PIK3CD: variants seen among roughly 807,000 people sequenced by gnomAD.
PIK3CD encodes the protein phosphatidylinositol-4,5-bisphosphate 3-kinase catalytic subunit delta, also known as phosphatidylinositol 4,5-bisphosphate 3-kinase catalytic subunit delta isoform.
Under a neutral mutation model 122.9 loss-of-function variants are expected in PIK3CD, and 20 were observed. The observed-to-expected ratio is 0.16, with a 90% CI of 0.11 to 0.24. The LOEUF is 0.24. Among genes scored for constraint, PIK3CD ranks in the 10% least tolerant of loss-of-function variants. The probability of loss-of-function intolerance (pLI) is 1.00; values close to 1 mark genes in which losing one functional copy is unlikely to be tolerated. For missense variants in PIK3CD, 787 were observed against 1,406.3 expected, an observed-to-expected ratio of 0.56 and a Z score of 7.04; for synonymous variants, 596 against 593.4, an observed-to-expected ratio of 1.00 and a Z score of -0.06.
Position 9,727,464 on chromosome 1 carries a change from C to A in PIK3CD, c.*418C>A. On this transcript the variant is annotated 3_prime_UTR_variant, in exon 24 of 24. Coordinates refer to ENST00000377346, the MANE Select transcript of PIK3CD (RefSeq NM_005026.5). ...ACAGGATGCCTTGATCCTCGTGCGA[C>A]CCACCCTGTGTATCCTCCCTAGACT... 2.6e-6 allele frequency: 1 copy of A among 385,936 alleles called. No homozygotes were observed. The highest frequency in any genetic ancestry group is 4.8e-5 in the East Asian group (1 of 20,648). 23.9% of individuals were successfully genotyped at this position (385,936 alleles called of 1,614,324 possible).
At chr1:9,658,363 G>A (rs980252805) in intron 1 of PIK3CD, among the ~76,000 whole-genome samples, 2 of 146,956 alleles carry the variant, frequency 1.4e-5, no homozygotes, top group Non-Finnish European at 3.0e-5. Flanking sequence ...TCTAGCCTGC[G>A]TGACAGAGCG....
chr1:9,657,688 C>T (rs1418611520), intron 1 of PIK3CD, among the ~76,000 whole-genome samples: 4 of 152,144 alleles, frequency 2.6e-5, no homozygotes, highest in East Asian at 1.9e-4. Flanking sequence ...CCCTGCCCTC[C>T]GCAGCCCATT....
chr1:9,699,367 C>T (rs1022029560), intron 2 of PIK3CD, among the ~76,000 whole-genome samples: 3 of 152,138 alleles, frequency 2.0e-5, no homozygotes, highest in Non-Finnish European at 4.4e-5. Flanking sequence ...ATTCTGGCCT[C>T]GCCCCTTCCA....
intron 1 of PIK3CD, among the ~76,000 whole-genome samples, chr1:9,666,322 C>T (rs1190528341): frequency 7.1e-6 from 1 of 140,622 alleles, no homozygotes; most frequent in African/African-American, 2.7e-5. Flanking sequence ...CTCACTGCAA[C>T]CTCTGCCCCC....
intron 2 of PIK3CD, among the ~76,000 whole-genome samples, chr1:9,702,803 G>T (rs536405823): frequency 6.6e-6 from 1 of 152,230 alleles, no homozygotes; most frequent in African/African-American, 2.4e-5. Context: ...TTACAGGCAT[G>T]AGCCACCGTG....
chr1:9,725,414 A>G (rs965507565), intron 23 of PIK3CD, among the ~76,000 whole-genome samples: 1 of 151,782 alleles, frequency 6.6e-6, no homozygotes, highest in Non-Finnish European at 1.5e-5. Context: ...TTAGCTGGGC[A>G]TGGTGGTGCA....
Position 9,719,230 on chromosome 1 carries a change from A to T in PIK3CD, c.1242+315A>T, listed in dbSNP as rs12564733. 0.15 allele frequency among the ~76,000 whole-genome samples: 23,202 copies of T among 152,270 alleles called. 2,540 individuals carry two copies. The highest frequency in any genetic ancestry group is 0.34 in the South Asian group (1,654 of 4,830). ...GTCATCCCTGGAGCAGAAAAGCCTG[A>T]GTCAGCGGCTGGCCGGGAGGCGTAG... On this transcript the variant is annotated intron_variant, in intron 9 of 23. Coordinates refer to ENST00000377346, the MANE Select transcript of PIK3CD (RefSeq NM_005026.5). This position sits in a 1 kb window ranked among gnomAD's most constrained non-coding sequence, Gnocchi z 5.5.
the PIK3CD span, among the ~76,000 whole-genome samples, chr1:9,631,188 G>A: frequency 6.6e-6 from 1 of 152,132 alleles, no homozygotes; most frequent in African/African-American, 2.4e-5. Flanking sequence ...GCTACATCCT[G>A]GATCCCTTCA....
the PIK3CD span, among the ~76,000 whole-genome samples, chr1:9,642,370 C>T: frequency 6.6e-6 from 1 of 151,742 alleles, no homozygotes; most frequent in African/African-American, 2.4e-5. Flanking sequence ...GCCTCAGCCT[C>T]CCAAAGTGCT....
In PIK3CD at chr1:9,723,924, A is replaced by C. The variant is rs996982135; in HGVS notation, c.2595-45A>C. The C allele has an allele frequency of 1.3e-6, 2 of 1,589,106 alleles. No individual in the cohort carries two copies. The highest frequency in any genetic ancestry group is 1.7e-6 in the Non-Finnish European group (2 of 1,157,864). ...TAATAACCCACCTCTTGATAGGCGG[A>C]GCTGCAAAATGGTATGGCCATGCTT... On this transcript the variant is annotated intron_variant, in intron 20 of 23. Transcript: ENST00000377346. This position sits in a 1 kb window ranked among gnomAD's most constrained non-coding sequence, Gnocchi z 4.9.
At chr1:9,640,129 T>C in the PIK3CD span, among the ~76,000 whole-genome samples, 1 of 152,074 alleles carries the variant, frequency 6.6e-6, no homozygotes, top group African/African-American at 2.4e-5. Flanking sequence ...CCCCGAGATA[T>C]GCACCCATCA....
chr1:9,664,072 C>T (rs187407562), intron 1 of PIK3CD, among the ~76,000 whole-genome samples: 2 of 117,882 alleles, frequency 1.7e-5, no homozygotes, highest in African/African-American at 6.6e-5. Context: ...TTTTTTGAGA[C>T]GGAGTCTCAC....
chr1:9,693,543 A>T (rs775395070), intron 2 of PIK3CD, among the ~76,000 whole-genome samples: 5 of 152,024 alleles, frequency 3.3e-5, no homozygotes, highest in South Asian at 4.1e-4. Context: ...CTGTGTCTGC[A>T]CCTTTTAAAA....
intron 23 of PIK3CD, among the ~76,000 whole-genome samples, chr1:9,725,380 C>T (rs1210852144): frequency 4.0e-5 from 6 of 151,066 alleles, no homozygotes; most frequent in African/African-American, 7.3e-5. Flanking sequence ...ATGGAGAAAC[C>T]CCGTCTCTAC....
chr1:9,715,920 G>A lies in PIK3CD; in HGVS notation c.442G>A (p.Glu148Lys), dbSNP rs778360032. 5 of 1,612,184 alleles carry A rather than the reference G, an allele frequency of 3.1e-6. No homozygotes were observed. The highest frequency in any genetic ancestry group is 4.2e-6 in the Non-Finnish European group (5 of 1,179,822). The change falls in exon 5 of 24, where the codon GAG (glutamate) becomes AAG (lysine). Residue 148 changes from glutamate to lysine, a missense_variant. This residue lies in a region of PIK3CD where 592 missense variants were observed against 920.6 expected (regional missense o/e 0.64). Coordinates refer to ENST00000377346, the MANE Select transcript of PIK3CD (RefSeq NM_005026.5). The surrounding 1 kb of genome is among the most constrained non-coding windows in gnomAD (Gnocchi z 4.1). ...TCGCGCCAAGATGTGCCAATTCTGC[G>A]AGGAGGCGGCCGCCCGCCGGCAGCA... ...DFRAKMCQFC[E>K]EAAARRQQLG...
chr1:9,693,175 C>G (rs888945064), intron 2 of PIK3CD, among the ~76,000 whole-genome samples: 1 of 152,224 alleles, frequency 6.6e-6, no homozygotes, highest in South Asian at 2.1e-4. Context: ...GTATCCTCCC[C>G]CAAACCCCTC....
chr1:9,717,639 G>GGATA lies in PIK3CD; in HGVS notation c.1020+15_1020+18dup, dbSNP rs755190125. On this transcript the variant is annotated intron_variant, in intron 8 of 23. Transcript: ENST00000377346. The surrounding 1 kb of genome is among the most constrained non-coding windows in gnomAD (Gnocchi z 5.4). Reference sequence around the variant, plus strand: ...CGAGCGGATGAAGGTGGGGCTCCTGGGATAGGTGGGAGAGACACTGTTTTT... The same window carrying GGATA: ...CGAGCGGATGAAGGTGGGGCTCCTGGGATAGATAGGTGGGAGAGACACTGTTTTT... 780 of 1,612,590 alleles carry GGATA rather than the reference G, an allele frequency of 4.8e-4. 2 individuals carry two copies. Among genetic ancestry groups the GGATA allele is most frequent in the Non-Finnish European group, 6.0e-4 (706 of 1,178,734 alleles).
chr1:9,672,844 A>T (rs1325768355), intron 1 of PIK3CD: 1 of 152,026 alleles, frequency 6.6e-6, no homozygotes, highest in Non-Finnish European at 1.5e-5. Flanking sequence ...ATTTTATTTT[A>T]TTTTTTTCCG....
At chr1:9,627,648 T>G in the PIK3CD span, among the ~76,000 whole-genome samples, 1 of 152,170 alleles carries the variant, frequency 6.6e-6, no homozygotes, top group African/African-American at 2.4e-5. Flanking sequence ...TATTAACTTA[T>G]GATTCTAGTT....
Sources: allele counts gnomAD v4.1 joint callset (sites outside exome capture counted in the v4.1 genomes callset), GRCh38; gene constraint gnomAD v4.1.1; regional missense constraint gnomAD v4.1.1; non-coding constraint Gnocchi (gnomAD v3.1); transcripts MANE v1.5; gene names NCBI Gene and HGNC (gene_info 2026-07-23, HGNC 2026-07-21).